Variants in SUFU observed in about 807,000 individuals in gnomAD.
The protein encoded by SUFU is suppressor of fused homolog.
SUFU carries 7 observed loss-of-function variants against 58.9 expected under a neutral mutation model. That is an observed-to-expected ratio of 0.12 (90% confidence interval 0.07 to 0.22). The LOEUF is 0.22. Among genes scored for constraint, SUFU ranks in the 10% least tolerant of loss-of-function variants. The pLI is 1.00. For missense variants in SUFU, 451 were observed against 641.3 expected (o/e 0.70, Z 3.20); for synonymous variants, 232 against 254.8 (o/e 0.91, Z 0.85).
At chr10:102,531,874 AT>A (rs2062681063) in intron 2 of SUFU, among the ~76,000 whole-genome samples, 1 of 152,074 alleles carries the variant, frequency 6.6e-6, no homozygotes, top group Non-Finnish European at 1.5e-5. Flanking sequence ...GTGACCTTCA[AT>A]CAAGGGGCAT....
intron 3 of SUFU, among the ~76,000 whole-genome samples, chr10:102,565,514 C>T (rs972117309): frequency 2.0e-5 from 3 of 152,178 alleles, no homozygotes; most frequent in African/African-American, 7.2e-5. Context: ...TGGAGAACTA[C>T]ATTAAATGAC....
intron 10 of SUFU, among the ~76,000 whole-genome samples, chr10:102,621,340 T>A (rs1344606365): frequency 6.6e-6 from 1 of 152,166 alleles, no homozygotes; most frequent in Non-Finnish European, 1.5e-5. Context: ...CCTGGGGAAG[T>A]ACCCTCCCTT....
chr10:102,573,325 A>G, intron 3 of SUFU: 1 of 493,072 alleles, frequency 2.0e-6, no homozygotes, highest in African/African-American at 2.0e-5. Context: ...AACAAAACAA[A>G]ACAGAAAATA....
intron 1 of SUFU, among the ~76,000 whole-genome samples, chr10:102,508,308 A>G (rs921827953): frequency 1.9e-4 from 29 of 152,076 alleles, no homozygotes; most frequent in Non-Finnish European, 1.0e-4. Context: ...ACTGATTACT[A>G]AAGGGAACTC....
At chr10:102,581,194 A>G (rs1301148898) in intron 3 of SUFU, among the ~76,000 whole-genome samples, 1 of 108,092 alleles carries the variant, frequency 9.3e-6, no homozygotes, top group Non-Finnish European at 1.9e-5. Context: ...AAAAAAAAAA[A>G]AAAAAAAAAA....
intron 3 of SUFU, among the ~76,000 whole-genome samples, chr10:102,570,220 G>A (rs2063146229): frequency 8.1e-6 from 1 of 124,016 alleles, no homozygotes; most frequent in African/African-American, 3.1e-5. Context: ...CTAGATTGCC[G>A]AACCGAGAGA....
At chr10:102,555,124 C>T (rs35035059) in intron 3 of SUFU, among the ~76,000 whole-genome samples, 38,462 of 151,722 alleles carry the variant, frequency 0.25, 5,117 homozygotes, top group African/African-American at 0.29. Flanking sequence ...AAAAATTAGC[C>T]GGACGTGGTG....
chr10:102,581,583 A>G (rs576152164), intron 3 of SUFU, among the ~76,000 whole-genome samples: 52 of 152,326 alleles, frequency 3.4e-4, no homozygotes, highest in Admixed American at 1.0e-3. Flanking sequence ...CCATGGCCGC[A>G]GCAGTAGCAG....
chr10:102,592,424 C>T lies in SUFU; in HGVS notation c.455-158C>T, dbSNP rs561311675. 3.5e-4 allele frequency among the ~76,000 whole-genome samples: 53 copies of T among 152,318 alleles called. No individual in the cohort carries two copies. In the East Asian group the frequency reaches 7.5e-3, roughly 22 times the overall value. ...TTAGGTTTTTGGAAATATCCACAAACTCTTTGCTTCCATCCGGAGTGAATG... is the reference window on the plus strand; with the variant it reads ...TTAGGTTTTTGGAAATATCCACAAATTCTTTGCTTCCATCCGGAGTGAATG... On this transcript the variant is annotated intron_variant, in intron 3 of 11. Transcript: ENST00000369902.
intron 3 of SUFU, among the ~76,000 whole-genome samples, chr10:102,587,350 CA>C (rs1470602969): frequency 2.6e-5 from 4 of 152,196 alleles, no homozygotes; most frequent in African/African-American, 9.6e-5. Flanking sequence ...AAATTCTTTG[CA>C]TCCTCACCAA....
chr10:102,591,252 G>A (rs945200249), intron 3 of SUFU, among the ~76,000 whole-genome samples: 3 of 152,154 alleles, frequency 2.0e-5, no homozygotes, highest in African/African-American at 4.8e-5. Flanking sequence ...TGTAATCCCC[G>A]CACTTTGGGA....
chr10:102,582,087 C>T (rs566248739), intron 3 of SUFU, among the ~76,000 whole-genome samples: 4 of 152,302 alleles, frequency 2.6e-5, no homozygotes, highest in Non-Finnish European at 5.9e-5. Context: ...TCTCAGAGCA[C>T]GCAGAAGAGC....
At chr10:102,508,177 T>C (rs1488066827) in intron 1 of SUFU, among the ~76,000 whole-genome samples, 1 of 152,070 alleles carries the variant, frequency 6.6e-6, no homozygotes, top group Non-Finnish European at 1.5e-5. Flanking sequence ...TTTCACCATG[T>C]TGGCCAGGCT....
chr10:102,563,290 C>T (rs1338267404), intron 3 of SUFU, among the ~76,000 whole-genome samples: 1 of 151,914 alleles, frequency 6.6e-6, no homozygotes, highest in African/African-American at 2.4e-5. Context: ...TAGAGACAGA[C>T]ATTGAAAAAA....
intron 3 of SUFU, chr10:102,573,179 T>C (rs2063180308): frequency 1.3e-6 from 1 of 764,328 alleles, no homozygotes; most frequent in Non-Finnish European, 2.4e-6. Context: ...TGCTTTGGCT[T>C]CGGCTTTAGG....
chr10:102,534,668 A>G (rs1310850965), intron 2 of SUFU, among the ~76,000 whole-genome samples: 1 of 152,224 alleles, frequency 6.6e-6, no homozygotes, highest in African/African-American at 2.4e-5. Context: ...GTCTTAGAGC[A>G]GATTGACAGG....
At chr10:102,598,533 T>C (rs1372571441) in intron 7 of SUFU, among the ~76,000 whole-genome samples, 4 of 152,184 alleles carry the variant, frequency 2.6e-5, no homozygotes, top group African/African-American at 9.7e-5. Context: ...TATACAGTTA[T>C]TGGAATCATT....
rs1050134495 is a variant in SUFU, at chr10:102,582,950, G to C, written c.455-9632G>C. Among the ~76,000 whole-genome samples the C allele has an allele frequency of 4.6e-5, 7 of 152,294 alleles. No homozygotes were observed. The South Asian group carries it at 1.5e-3, about 32-fold the overall frequency. ...TGACTTTTCAATGAGGATACCTTGG[G>C]GAGCAAGAGAGAGGAAGCCAGCTCC... On this transcript the variant is annotated intron_variant, in intron 3 of 11. Transcript: ENST00000369902.
intron 1 of SUFU, among the ~76,000 whole-genome samples, chr10:102,505,342 C>G (rs2062311577): frequency 6.6e-6 from 1 of 152,210 alleles, no homozygotes; most frequent in South Asian, 2.1e-4. Context: ...GGAAAAGAAC[C>G]TGTCCTCAAA....
Sources: gnomAD v4.1 joint callset for allele counts (sites outside exome capture counted in the v4.1 genomes callset) on GRCh38, gnomAD v4.1.1 for gene constraint, MANE v1.5 for transcripts, NCBI Gene and HGNC (gene_info 2026-07-23, HGNC 2026-07-21) for gene names.